INVS: variants seen among roughly 807,000 people sequenced by gnomAD.
INVS encodes the protein inversion of embryo turning homolog.
In INVS, 86 loss-of-function variants were observed where a neutral mutation model predicts 108.8. That is an observed-to-expected ratio of 0.79 (90% confidence interval 0.66 to 0.95). The LOEUF (loss-of-function observed/expected upper bound fraction) is 0.95. Ranked by LOEUF, INVS falls within the 40% of genes least tolerant of loss-of-function variation. INVS has a pLI of 0.00. For missense variants in INVS, 1,169 were observed against 1,297.4 expected, an observed-to-expected ratio of 0.90 and a Z score of 1.52; for synonymous variants, 455 against 473.5, an observed-to-expected ratio of 0.96 and a Z score of 0.51.
chr9:100,122,759 G>T (rs1168856368), intron 2 of INVS, among the ~76,000 whole-genome samples: 1 of 150,916 alleles, frequency 6.6e-6, no homozygotes, highest in African/African-American at 2.4e-5. Context: ...AATTTTTTCT[G>T]TTTTTTAGTA....
At chr9:100,231,359 A>AT (rs556197520) in intron 5 of INVS, among the ~76,000 whole-genome samples, 97 of 151,938 alleles carry the variant, frequency 6.4e-4, no homozygotes, top group African/African-American at 2.3e-3. Flanking sequence ...TAGTTCTTAG[A>AT]TTTTTTTTAT....
intron 5 of INVS, among the ~76,000 whole-genome samples, chr9:100,239,833 G>A (rs575893702): frequency 6.6e-6 from 1 of 152,198 alleles, no homozygotes; most frequent in Non-Finnish European, 1.5e-5. Flanking sequence ...TTAGCCAGGT[G>A]TGGTGGGATG....
intron 11 of INVS, among the ~76,000 whole-genome samples, chr9:100,266,183 GATCACACTTCCATA>G (rs1376774001): frequency 6.6e-6 from 1 of 152,156 alleles, no homozygotes; most frequent in African/African-American, 2.4e-5. Context: ...CTGAGTTTGT[GATCACACTTCCATA>G]CCTGAGGTCC....
chr9:100,214,773 G>T (rs1830935311), intron 3 of INVS, among the ~76,000 whole-genome samples: 1 of 152,208 alleles, frequency 6.6e-6, no homozygotes, highest in South Asian at 2.1e-4. Flanking sequence ...ACAGACGCAG[G>T]TCAGATGGCT....
In INVS at chr9:100,100,715, ATT is replaced by A. The variant is rs1491443397; in HGVS notation, c.-25+1300_-25+1301del. ...TTATATATGTACATATAATATATAT[ATT>A]ATATGTACATATAATATATATATTA... On this transcript the variant is annotated intron_variant, in intron 1 of 16. Coordinates refer to ENST00000262457, the MANE Select transcript of INVS (RefSeq NM_014425.5). Among the ~76,000 whole-genome samples the A allele has an allele frequency of 7.0e-3, 271 of 38,530 alleles. 50 individuals are homozygous for A. The highest frequency in any genetic ancestry group is 0.026 in the Middle Eastern group (1 of 38). 25.3% of individuals were successfully genotyped at this position (38,530 alleles called of 152,430 possible).
chr9:100,262,964 G>A (rs1832677437), intron 10 of INVS, among the ~76,000 whole-genome samples: 2 of 152,058 alleles, frequency 1.3e-5, no homozygotes, highest in African/African-American at 4.8e-5. Context: ...GCCCACGGCT[G>A]TTCTTGAACT....
At position 100,100,992 on chromosome 9, in the gene INVS, G is replaced by A. The variant is rs1361868205; in HGVS notation, c.-25+1576G>A. ...TATATATTATATATATAATATATATGTATATATAATATATATATTATATGT... is the reference window on the plus strand; with the variant it reads ...TATATATTATATATATAATATATATATATATATAATATATATATTATATGT... On this transcript the variant is annotated intron_variant, in intron 1 of 16. Coordinates refer to ENST00000262457, the MANE Select transcript of INVS (RefSeq NM_014425.5). Among the ~76,000 whole-genome samples the A allele has an allele frequency of 3.7e-4, 25 of 68,442 alleles. 1 individual carries two copies. Among genetic ancestry groups the A allele is most frequent in the African/African-American group, 1.0e-3 (13 of 12,980 alleles). The allele number at this position is 68,442 out of a possible 152,430, so 44.9% of individuals were successfully genotyped here. A position where few individuals can be genotyped will look rare whatever the true frequency, so the allele number is the denominator to read the frequency against.
chr9:100,177,284 C>G (rs1829747695), intron 3 of INVS, among the ~76,000 whole-genome samples: 1 of 152,172 alleles, frequency 6.6e-6, no homozygotes, highest in Non-Finnish European at 1.5e-5. Context: ...GCACCATTCT[C>G]TCCCCTGGAA....
At chr9:100,299,272 G>A (rs1297210167) in intron 16 of INVS, among the ~76,000 whole-genome samples, 4 of 152,036 alleles carry the variant, frequency 2.6e-5, no homozygotes, top group Non-Finnish European at 4.4e-5. Context: ...ACACAGTTTT[G>A]TTAGGCTCAA....
intron 3 of INVS, chr9:100,175,755 T>C: frequency 3.2e-6 from 2 of 632,182 alleles, no homozygotes; most frequent in Non-Finnish European, 6.0e-6. Flanking sequence ...CAGTTCGGCC[T>C]GGGGCAACCA....
intron 16 of INVS, among the ~76,000 whole-genome samples, chr9:100,299,293 A>C (rs1833878982): frequency 6.6e-6 from 1 of 152,162 alleles, no homozygotes; most frequent in African/African-American, 2.4e-5. Context: ...GCCCACCCAC[A>C]TTAAGCATTA....
chr9:100,208,433 T>C (rs1030334342), intron 3 of INVS, among the ~76,000 whole-genome samples: 32 of 152,204 alleles, frequency 2.1e-4, no homozygotes, highest in African/African-American at 7.7e-4. Context: ...CTTACACATT[T>C]GTCTGTATAT....
intron 3 of INVS, among the ~76,000 whole-genome samples, chr9:100,169,021 G>A (rs1454672113): frequency 6.6e-6 from 1 of 152,070 alleles, no homozygotes; most frequent in Non-Finnish European, 1.5e-5. Flanking sequence ...CAAGTGATAA[G>A]CATTTTTAAT....
chr9:100,227,881 G>A lies in INVS; in HGVS notation c.447+1646G>A, dbSNP rs547537076. 2.6e-5 allele frequency among the ~76,000 whole-genome samples: 4 copies of A among 151,892 alleles called. No homozygotes were observed. The South Asian group carries it at 8.3e-4, about 32-fold the overall frequency. ...AGGATCATCATTTGAAAACAATTAC[G>A]TAATCCTGCTCATTTTTCTTTTAAA... On this transcript the variant is annotated intron_variant, in intron 4 of 16. Coordinates refer to ENST00000262457, the MANE Select transcript of INVS (RefSeq NM_014425.5).
At chr9:100,282,779 A>T (rs1833319836) in intron 12 of INVS, among the ~76,000 whole-genome samples, 1 of 151,948 alleles carries the variant, frequency 6.6e-6, no homozygotes, top group Non-Finnish European at 1.5e-5. Flanking sequence ...GTGGAGAATC[A>T]CATTTCATAT....
intron 2 of INVS, among the ~76,000 whole-genome samples, chr9:100,106,147 A>T (rs1827172772): frequency 6.6e-6 from 1 of 152,134 alleles, no homozygotes; most frequent in African/African-American, 2.4e-5. Flanking sequence ...GAAGACATTA[A>T]GTAGGAACTC....
intron 5 of INVS, among the ~76,000 whole-genome samples, chr9:100,233,188 A>G (rs948809005): frequency 4.6e-5 from 7 of 152,078 alleles, no homozygotes; most frequent in Non-Finnish European, 8.8e-5. Flanking sequence ...TTTTTGGTGT[A>G]TAGGAATGCT....
chr9:100,241,066 C>G (rs1831855270), intron 6 of INVS, among the ~76,000 whole-genome samples: 1 of 152,088 alleles, frequency 6.6e-6, no homozygotes, highest in Non-Finnish European at 1.5e-5. Context: ...ACTCATCACT[C>G]TTTTAGTACT....
chr9:100,178,153 A>G (rs1018930514), intron 3 of INVS, among the ~76,000 whole-genome samples: 1 of 152,220 alleles, frequency 6.6e-6, no homozygotes, highest in Admixed American at 6.6e-5. Context: ...AAAGGTAGAT[A>G]AATCCATGAA....
Sources: gnomAD v4.1 joint callset for allele counts (sites outside exome capture counted in the v4.1 genomes callset) on GRCh38, gnomAD v4.1.1 for gene constraint, MANE v1.5 for transcripts, NCBI Gene and HGNC (gene_info 2026-07-23, HGNC 2026-07-21) for gene names.